RAB30: variants seen among roughly 807,000 people sequenced by gnomAD.
RAB30 encodes ras-related protein Rab-30.
RAB30 carries 9 observed loss-of-function variants against 25.1 expected under a neutral mutation model. That is an observed-to-expected ratio of 0.36 (90% CI 0.22 to 0.63). The LOEUF (loss-of-function observed/expected upper bound fraction) is 0.63. Ranked by LOEUF, RAB30 falls within the 20% of genes least tolerant of loss-of-function variation. RAB30 has a pLI of 0.69. For synonymous variants in RAB30, 77 were observed against 86.4 expected, an observed-to-expected ratio of 0.89 and a Z score of 0.60; for missense variants, 140 against 243.5, an observed-to-expected ratio of 0.58 and a Z score of 2.83.
At chr11:83,059,327 T>C (rs553187300) in intron 1 of RAB30, among the ~76,000 whole-genome samples, 22 of 152,346 alleles carry the variant, frequency 1.4e-4, no homozygotes, top group African/African-American at 5.0e-4. Flanking sequence ...TGCACCTTCC[T>C]TCTTTCTTTT....
Position 83,003,609 on chromosome 11 carries a change from C to T in RAB30, c.-8-6285G>A, listed in dbSNP as rs547467307. Among the ~76,000 whole-genome samples, 43 of 151,992 alleles carry T rather than the reference C, an allele frequency of 2.8e-4. 1 individual carries two copies. Among genetic ancestry groups the T allele is most frequent in the Non-Finnish European group, 5.6e-4 (38 of 67,996 alleles). ...GGGTAATTTGTGTTTTTAGTAGAGA[C>T]GGGGTTTCTCCATGTTGGTCAGACT... On this transcript the variant is annotated intron_variant, in intron 1 of 4. Transcript: ENST00000527633.
intron 1 of RAB30, among the ~76,000 whole-genome samples, chr11:83,057,258 C>T (rs1460320784): frequency 6.7e-6 from 1 of 150,150 alleles, no homozygotes; most frequent in Non-Finnish European, 1.5e-5. Flanking sequence ...TATTTTGAGG[C>T]TGTTAGCAAA....
intron 1 of RAB30, 21 bp from the exon 2 acceptor site, chr11:82,997,345 A>G (rs1464163692): frequency 6.6e-7 from 1 of 1,519,502 alleles, no homozygotes; most frequent in Non-Finnish European, 9.1e-7. Flanking sequence ...AACACAGGCA[A>G]AAGTGAGAAA....
intron 1 of RAB30, among the ~76,000 whole-genome samples, chr11:83,017,217 T>C (rs1169496394): frequency 6.6e-6 from 1 of 152,062 alleles, no homozygotes; most frequent in Non-Finnish European, 1.5e-5. Flanking sequence ...CGTGCTCCTG[T>C]AGTCCCAGCT....
At chr11:83,001,672 G>A (rs1857088279) in intron 1 of RAB30, among the ~76,000 whole-genome samples, 1 of 152,116 alleles carries the variant, frequency 6.6e-6, no homozygotes, top group Non-Finnish European at 1.5e-5. Context: ...AAGCCCTTCT[G>A]TTTGGTACAT....
chr11:83,061,947 T>C (rs1268853492), intron 1 of RAB30, among the ~76,000 whole-genome samples: 1 of 152,098 alleles, frequency 6.6e-6, no homozygotes, highest in Non-Finnish European at 1.5e-5. Flanking sequence ...CAGTAGATGC[T>C]ATGACAGTTC....
At chr11:82,987,550 C>T (rs1856760511) in intron 4 of RAB30, 37 bp downstream of exon 4, 3 of 1,563,102 alleles carry the variant, frequency 1.9e-6, no homozygotes, top group Admixed American at 1.7e-5. Flanking sequence ...CTCTAATGCC[C>T]ACAAATCAAT....
At chr11:83,014,421 A>T (rs1180762292) in intron 1 of RAB30, among the ~76,000 whole-genome samples, 4 of 151,924 alleles carry the variant, frequency 2.6e-5, no homozygotes, top group African/African-American at 4.8e-5. Flanking sequence ...GGTGGTACAC[A>T]CCTGTAGTCC....
chr11:83,000,719 C>T (rs957499265), intron 1 of RAB30, among the ~76,000 whole-genome samples: 6 of 152,120 alleles, frequency 3.9e-5, no homozygotes, highest in African/African-American at 7.2e-5. Context: ...AGAAAGTTAA[C>T]GGTGCCCAAA....
At chr11:83,047,589 T>A (rs755930748) in intron 1 of RAB30, among the ~76,000 whole-genome samples, 2 of 152,150 alleles carry the variant, frequency 1.3e-5, no homozygotes, top group African/African-American at 4.8e-5. Flanking sequence ...CTATTAACAA[T>A]AATAGAAGAT....
chr11:83,015,657 A>C (rs2121504224), intron 1 of RAB30, among the ~76,000 whole-genome samples: 1 of 152,334 alleles, frequency 6.6e-6, no homozygotes, highest in African/African-American at 2.4e-5. Context: ...ATCAGAGGAT[A>C]TCTATGGAGA....
At position 83,028,712 on chromosome 11, in the gene RAB30, G is replaced by A. The variant is rs1857781883; in HGVS notation, c.-8-31388C>T. Among the ~76,000 whole-genome samples the A allele has an allele frequency of 3.3e-5, 5 of 152,254 alleles. No individual in the cohort carries two copies. In the South Asian group the frequency reaches 6.2e-4, roughly 19 times the overall value. ...CCCAAATAAACTACCAATAAAGCACGAGAATAGAAGAAAGATACTTTAAAG... is the reference window on the plus strand; with the variant it reads ...CCCAAATAAACTACCAATAAAGCACAAGAATAGAAGAAAGATACTTTAAAG... On this transcript the variant is annotated intron_variant, in intron 1 of 4. Coordinates refer to ENST00000527633, the MANE Select transcript of RAB30 (RefSeq NM_001286060.2).
At chr11:83,037,062 T>A (rs573549669) in intron 1 of RAB30, among the ~76,000 whole-genome samples, 1 of 151,914 alleles carries the variant, frequency 6.6e-6, no homozygotes, top group Admixed American at 6.6e-5. Context: ...GAGAAGTGAG[T>A]GTAGGGAGTG....
chr11:83,051,842 C>T (rs1858364678), intron 1 of RAB30, among the ~76,000 whole-genome samples: 1 of 152,186 alleles, frequency 6.6e-6, no homozygotes, highest in Admixed American at 6.5e-5. Context: ...ACATAGCCAG[C>T]TCTGCTGTCC....
chr11:82,980,905 A>C lies in RAB30; in HGVS notation c.*1260T>G, dbSNP rs1856626284. 6.6e-6 allele frequency: 1 copy of C among 152,198 alleles called. No homozygotes were observed. The highest frequency in any genetic ancestry group is 1.5e-5 in the Non-Finnish European group (1 of 68,028). The allele number at this position is 152,198 out of a possible 1,614,324, so 9.4% of individuals were successfully genotyped here. On this transcript the variant is annotated 3_prime_UTR_variant, in exon 5 of 5. Coordinates refer to ENST00000527633, the MANE Select transcript of RAB30 (RefSeq NM_001286060.2). ...AGAGGAAAAGAGAAAGAAAAAAGAA[A>C]GAACATATGGTTAAGCGTCTGAAGG...
intron 1 of RAB30, among the ~76,000 whole-genome samples, chr11:83,051,186 G>A: frequency 6.6e-6 from 1 of 152,144 alleles, no homozygotes; most frequent in East Asian, 1.9e-4. Flanking sequence ...GTTAAAAGGA[G>A]AAAGCTCTAA....
At chr11:83,048,547 T>C (rs540294625) in intron 1 of RAB30, among the ~76,000 whole-genome samples, 26 of 152,118 alleles carry the variant, frequency 1.7e-4, no homozygotes, top group Non-Finnish European at 3.2e-4. Flanking sequence ...CAGTTTAAAT[T>C]TGGATTCTTT....
intron 1 of RAB30, among the ~76,000 whole-genome samples, chr11:83,054,232 T>C (rs1858411711): frequency 1.3e-5 from 2 of 152,228 alleles, no homozygotes; most frequent in Admixed American, 1.3e-4. Context: ...CCCTCCTCTA[T>C]GCTCCAGTAG....
chr11:83,066,911 T>A (rs1304358336), intron 1 of RAB30, among the ~76,000 whole-genome samples: 1 of 152,230 alleles, frequency 6.6e-6, no homozygotes, highest in African/African-American at 2.4e-5. Context: ...GTATTATTAC[T>A]AATAGTCCTC....
Sources: gnomAD v4.1 joint callset for allele counts (sites outside exome capture counted in the v4.1 genomes callset) on GRCh38, gnomAD v4.1.1 for gene constraint, MANE v1.5 for transcripts, NCBI Gene and HGNC (gene_info 2026-07-23, HGNC 2026-07-21) for gene names.